Variants in GRID2 observed in about 807,000 individuals in gnomAD.
GRID2 encodes glutamate ionotropic receptor delta type subunit 2.
A neutral mutation model predicts 114.8 loss-of-function variants in GRID2; 33 were observed. The ratio of observed to expected loss-of-function variants is 0.29; its 90% CI spans 0.22 to 0.38. The LOEUF is 0.38. GRID2 is among the 10% of genes least tolerant of loss of function. The pLI is 1.00. For synonymous variants in GRID2, 505 were observed against 449.9 expected (o/e 1.12, Z -1.55); for missense variants, 1,184 against 1,257.7 (o/e 0.94, Z 0.89).
At chr4:92,420,617 A>T (rs1397048199) in intron 1 of GRID2, among the ~76,000 whole-genome samples, 1 of 152,130 alleles carries the variant, frequency 6.6e-6, no homozygotes, top group African/African-American at 2.4e-5. Flanking sequence ...TCAATTACCA[A>T]TTTCAAATGA....
At chr4:93,496,870 T>C (rs1727601368) in intron 12 of GRID2, among the ~76,000 whole-genome samples, 1 of 151,856 alleles carries the variant, frequency 6.6e-6, no homozygotes, top group South Asian at 2.1e-4. Context: ...GATTTTTTGT[T>C]TGTTTGTTTC....
intron 4 of GRID2, among the ~76,000 whole-genome samples, chr4:93,160,303 G>C (rs1737573140): frequency 6.6e-6 from 1 of 151,656 alleles, no homozygotes; most frequent in Non-Finnish European, 1.5e-5. Context: ...ATCATTGAAT[G>C]CTTAAGAAAA....
chr4:92,688,156 TCTC>T (rs1433402965), intron 2 of GRID2, among the ~76,000 whole-genome samples: 2 of 148,876 alleles, frequency 1.3e-5, no homozygotes, highest in Non-Finnish European at 3.0e-5. Flanking sequence ...TTCAAGCGCT[TCTC>T]CTGCCTCAGC....
chr4:93,275,148 A>G (rs1297570990), intron 8 of GRID2, among the ~76,000 whole-genome samples: 3 of 151,902 alleles, frequency 2.0e-5, no homozygotes, highest in Non-Finnish European at 4.4e-5. Flanking sequence ...GACATTTCAC[A>G]TAAAGGGAAA....
intron 2 of GRID2, among the ~76,000 whole-genome samples, chr4:92,752,661 A>T (rs1737509516): frequency 6.6e-6 from 1 of 152,210 alleles, no homozygotes; most frequent in South Asian, 2.1e-4. Context: ...TACAGATCGT[A>T]ATATGATACA....
intron 14 of GRID2, among the ~76,000 whole-genome samples, chr4:93,762,685 G>C (rs913990224): frequency 2.6e-5 from 4 of 152,106 alleles, no homozygotes; most frequent in Non-Finnish European, 4.4e-5. Context: ...GTCTCTGGGG[G>C]AGTTCCCAGG....
At chr4:93,400,019 A>G (rs988613956) in intron 9 of GRID2, among the ~76,000 whole-genome samples, 3 of 152,262 alleles carry the variant, frequency 2.0e-5, no homozygotes, top group African/African-American at 7.2e-5. Flanking sequence ...TTATAAGGAT[A>G]AAAATAGGGT....
At chr4:92,704,723 T>TCTCTCTCTCTCTCTCTCTC (rs1734861937) in intron 2 of GRID2, among the ~76,000 whole-genome samples, 9 of 90,024 alleles carry the variant, frequency 1.0e-4, no homozygotes, top group South Asian at 4.4e-4. Context: ...CTCTCTCTCT[T>TCTCTCTCTCTCTCTCTCTC]TCTCTCTCTC....
At chr4:92,968,007 G>A (rs539894923) in intron 2 of GRID2, among the ~76,000 whole-genome samples, 8 of 151,898 alleles carry the variant, frequency 5.3e-5, no homozygotes, top group South Asian at 4.1e-4. Flanking sequence ...AACCTTGTGC[G>A]TCTATTTTCT....
intron 10 of GRID2, among the ~76,000 whole-genome samples, chr4:93,451,216 C>T (rs1271905203): frequency 6.6e-6 from 1 of 151,912 alleles, no homozygotes; most frequent in African/African-American, 2.4e-5. Context: ...AGGAGTCAAA[C>T]ATTATTGAAA....
At chr4:92,968,263 A>T (rs541218013) in intron 2 of GRID2, among the ~76,000 whole-genome samples, 2 of 152,040 alleles carry the variant, frequency 1.3e-5, no homozygotes, top group South Asian at 4.1e-4. Context: ...ATTAACAAAC[A>T]TAAGTTATTA....
intron 2 of GRID2, among the ~76,000 whole-genome samples, chr4:92,772,762 G>T (rs1176707116): frequency 6.6e-6 from 1 of 152,116 alleles, no homozygotes; most frequent in Non-Finnish European, 1.5e-5. Context: ...GAAAATGAAG[G>T]TTGAGAATTT....
At chr4:93,435,571 A>C (rs1560616683) in intron 10 of GRID2, among the ~76,000 whole-genome samples, 1 of 152,192 alleles carries the variant, frequency 6.6e-6, no homozygotes, top group Non-Finnish European at 1.5e-5. Context: ...ACTATTTTAG[A>C]AATCAGTAAT....
rs551981731 is a variant in GRID2 at position 93,331,127 on chromosome 4, C to CCG, written c.1246-64479_1246-64478insGC. Reference sequence around the variant, plus strand: ...AGCCTCAGTGCCTGCTGCTATCTAACCCCCCCCCCATTTCACTCATTATCT... The same window carrying CCG: ...AGCCTCAGTGCCTGCTGCTATCTAACCGCCCCCCCCCATTTCACTCATTATCT... On this transcript the variant is annotated intron_variant, in intron 8 of 15. Transcript: ENST00000282020. Among the ~76,000 whole-genome samples the CCG allele has an allele frequency of 1.3e-3, 137 of 102,740 alleles. 1 individual carries two copies. The highest frequency in any genetic ancestry group is 6.1e-3 in the African/African-American group (132 of 21,658). The allele number at this position is 102,740 out of a possible 152,430, so 67.4% of individuals were successfully genotyped here.
At chr4:92,883,673 T>C (rs1384337135) in intron 2 of GRID2, among the ~76,000 whole-genome samples, 2 of 152,160 alleles carry the variant, frequency 1.3e-5, no homozygotes, top group East Asian at 3.9e-4. Flanking sequence ...TCTTCTTGAA[T>C]ATCTTTAGCG....
At chr4:93,179,335 A>G (rs1231520116) in intron 4 of GRID2, among the ~76,000 whole-genome samples, 1 of 152,228 alleles carries the variant, frequency 6.6e-6, no homozygotes, top group African/African-American at 2.4e-5. Flanking sequence ...AAGGTCAGTA[A>G]TAACAATTTC....
chr4:92,378,950 C>G (rs1729485231), intron 1 of GRID2, among the ~76,000 whole-genome samples: 1 of 151,466 alleles, frequency 6.6e-6, no homozygotes, highest in Non-Finnish European at 1.5e-5. Flanking sequence ...TTAAAATAAA[C>G]CTTTATATAT....
At chr4:93,070,433 C>A (rs1442079212) in intron 2 of GRID2, among the ~76,000 whole-genome samples, 4 of 152,006 alleles carry the variant, frequency 2.6e-5, no homozygotes, top group Admixed American at 2.6e-4. Context: ...TAAAAGATTA[C>A]TTCCTGGCAG....
chr4:92,421,851 G>C (rs1731924904), intron 1 of GRID2, among the ~76,000 whole-genome samples: 1 of 152,104 alleles, frequency 6.6e-6, no homozygotes, highest in African/African-American at 2.4e-5. Context: ...CTATTAGAGA[G>C]CCAATAGTTC....
Sources: allele counts gnomAD v4.1 joint callset (sites outside exome capture counted in the v4.1 genomes callset), GRCh38; gene constraint gnomAD v4.1.1; transcripts MANE v1.5; gene names NCBI Gene and HGNC (gene_info 2026-07-23, HGNC 2026-07-21).